LITAF: variants seen among roughly 807,000 people sequenced by gnomAD.
LITAF encodes lipopolysaccharide-induced tumor necrosis factor-alpha factor.
Under a neutral mutation model 14.5 loss-of-function variants are expected in LITAF, and 9 were observed. The observed-to-expected ratio is 0.62, with a 90% CI of 0.37 to 1.08. The LOEUF is 1.08. LITAF is among the 50% of genes least tolerant of loss of function. The pLI is 0.01. For synonymous variants in LITAF, 98 were observed against 88.2 expected (o/e 1.11, Z -0.62); for missense variants, 206 against 213.4 (o/e 0.97, Z 0.22).
upstream of LITAF, among the ~76,000 whole-genome samples, chr16:11,589,016 A>T (rs1411869429): frequency 6.6e-6 from 1 of 152,132 alleles, no homozygotes; most frequent in Non-Finnish European, 1.5e-5. Flanking sequence ...CTGAGCAGCA[A>T]CAGGAGCCAG....
At chr16:11,631,978 T>G (rs920165280) in intron 3 of LITAF, among the ~76,000 whole-genome samples, 1 of 151,944 alleles carries the variant, frequency 6.6e-6, no homozygotes, top group African/African-American at 2.4e-5. Flanking sequence ...GCTATTCTCC[T>G]GCCTCAGCCT....
At chr16:11,568,749 G>A (rs904853230) in intron 1 of LITAF, among the ~76,000 whole-genome samples, 3 of 144,820 alleles carry the variant, frequency 2.1e-5, no homozygotes, top group South Asian at 2.2e-4. Context: ...CCACGACCTC[G>A]GCTCACTGCA....
At chr16:11,622,163 G>T (rs2141895088) in intron 3 of LITAF, among the ~76,000 whole-genome samples, 1 of 152,256 alleles carries the variant, frequency 6.6e-6, no homozygotes, top group African/African-American at 2.4e-5. Flanking sequence ...AGCCTGGTGG[G>T]GACAGCTCAG....
chr16:11,629,658 G>C (rs1276504637), intron 3 of LITAF, among the ~76,000 whole-genome samples: 2 of 152,186 alleles, frequency 1.3e-5, no homozygotes, highest in African/African-American at 4.8e-5. Flanking sequence ...TGGGGAAGGA[G>C]CTCATGGACT....
At chr16:11,639,206 T>C (rs540970507), upstream of LITAF, among the ~76,000 whole-genome samples, 13 of 151,434 alleles carry the variant, frequency 8.6e-5, no homozygotes, top group Admixed American at 5.9e-4. Context: ...GATGGGTAGA[T>C]GGATGAATGG....
rs1029774598 is a variant in LITAF, at chr16:11,584,211, G to A, written c.-6+2675C>T. 9.2e-5 allele frequency: 14 copies of A among 152,266 alleles called. 1 individual carries two copies. In the South Asian group the frequency reaches 1.5e-3, roughly 16 times the overall value. 9.4% of individuals were successfully genotyped at this position (152,266 alleles called of 1,614,324 possible). A position where few individuals can be genotyped will look rare whatever the true frequency, so the allele number is the denominator to read the frequency against. On this transcript the variant is annotated intron_variant, in intron 1 of 3. Transcript: ENST00000622633. Reference sequence around the variant, plus strand: ...TTACCTGATAGACCGCCTCACCCACGGGGCTATTTTCACTGCTGTAAAAGC... The same window carrying A: ...TTACCTGATAGACCGCCTCACCCACAGGGCTATTTTCACTGCTGTAAAAGC...
intron 1 of LITAF, among the ~76,000 whole-genome samples, chr16:11,562,077 C>G (rs1425608160): frequency 6.6e-6 from 1 of 151,756 alleles, no homozygotes; most frequent in African/African-American, 2.4e-5. Flanking sequence ...TGTCACCATA[C>G]CTGGCTATAA....
intron 3 of LITAF, among the ~76,000 whole-genome samples, chr16:11,611,663 T>C (rs1010679455): frequency 6.8e-6 from 1 of 147,542 alleles, no homozygotes; most frequent in African/African-American, 2.4e-5. Context: ...TCTTTTTCTT[T>C]TTCTTTTTTT....
intron 1 of LITAF, among the ~76,000 whole-genome samples, chr16:11,596,943 C>T (rs186984235): frequency 8.5e-5 from 13 of 152,178 alleles, no homozygotes; most frequent in Non-Finnish European, 1.9e-4. Context: ...TTTCTCCTTA[C>T]AACAATCCAG....
At chr16:11,633,185 C>T (rs972445402) in intron 3 of LITAF, among the ~76,000 whole-genome samples, 3 of 152,186 alleles carry the variant, frequency 2.0e-5, no homozygotes, top group Non-Finnish European at 4.4e-5. Flanking sequence ...TCCACACGGA[C>T]CTGGGGCAGC....
chr16:11,637,938 C>A (rs1180042623), upstream of LITAF, among the ~76,000 whole-genome samples: 61 of 74,782 alleles, frequency 8.2e-4, 14 homozygotes, highest in African/African-American at 5.4e-3. Context: ...ATATCTATAT[C>A]TATATATCTA....
intron 1 of LITAF, among the ~76,000 whole-genome samples, chr16:11,592,703 C>T (rs1282164737): frequency 2.0e-5 from 3 of 152,046 alleles, no homozygotes; most frequent in African/African-American, 4.8e-5. Context: ...ATCAAAACCA[C>T]AACGAGATAC....
chr16:11,595,164 C>T (rs1159009018), intron 1 of LITAF, among the ~76,000 whole-genome samples: 1 of 152,178 alleles, frequency 6.6e-6, no homozygotes, highest in African/African-American at 2.4e-5. Flanking sequence ...ATTTCTAAAA[C>T]ATGTTTCCCA....
rs1567231702 is a variant in LITAF at position 11,548,011 on chromosome 16, C to A, written c.*1626G>T. The A allele has an allele frequency of 4.4e-6, 2 of 454,042 alleles. No individual in the cohort carries two copies. The highest frequency in any genetic ancestry group is 8.8e-6 in the Non-Finnish European group (2 of 226,784). 28.1% of individuals were successfully genotyped at this position (454,042 alleles called of 1,614,324 possible). On this transcript the variant is annotated 3_prime_UTR_variant, in exon 4 of 4. Coordinates refer to ENST00000622633, the MANE Select transcript of LITAF (RefSeq NM_001136472.2). ...CTCATAAATAGTTCACCGGGTGAAC[C>A]AAAGACTTTATTTTTCAAAAGCAGG...
At chr16:11,564,649 G>A (rs911746364) in intron 1 of LITAF, among the ~76,000 whole-genome samples, 3 of 151,816 alleles carry the variant, frequency 2.0e-5, no homozygotes, top group Admixed American at 6.6e-5. Context: ...TTATGGTATC[G>A]CTCCTGCTAA....
chr16:11,628,184 C>G (rs2065096034), intron 3 of LITAF, among the ~76,000 whole-genome samples: 1 of 152,156 alleles, frequency 6.6e-6, no homozygotes, highest in African/African-American at 2.4e-5. Flanking sequence ...GTTCGTTTCT[C>G]AAGCAGGTAA....
intron 1 of LITAF, among the ~76,000 whole-genome samples, chr16:11,566,955 C>T (rs1252762171): frequency 1.3e-5 from 2 of 152,196 alleles, no homozygotes; most frequent in African/African-American, 2.4e-5. Flanking sequence ...CAAGGTAACA[C>T]GAGGATTTAT....
intron 2 of LITAF, 60 bp downstream of exon 2, chr16:11,556,451 C>T (rs765511481): frequency 4.1e-6 from 6 of 1,470,234 alleles, no homozygotes; most frequent in Non-Finnish European, 5.6e-6. Context: ...CGGTCACTCT[C>T]CTGATTCCCA....
At chr16:11,629,430 C>G (rs547319090) in intron 3 of LITAF, among the ~76,000 whole-genome samples, 2 of 152,316 alleles carry the variant, frequency 1.3e-5, no homozygotes, top group South Asian at 4.1e-4. Context: ...GAGGCCTGAT[C>G]CCAAGGCAGG....
Sources: allele counts gnomAD v4.1 joint callset (sites outside exome capture counted in the v4.1 genomes callset), GRCh38; gene constraint gnomAD v4.1.1; transcripts MANE v1.5; gene names NCBI Gene and HGNC (gene_info 2026-07-23, HGNC 2026-07-21).